CLRN1: variants seen among roughly 807,000 people sequenced by gnomAD.
CLRN1 encodes the protein clarin-1.
In CLRN1, 15 loss-of-function variants were observed where a neutral mutation model predicts 18.7. That is an observed-to-expected ratio of 0.80 (90% CI 0.54 to 1.23). The LOEUF (loss-of-function observed/expected upper bound fraction) is 1.23. CLRN1 is among the 50% of genes most tolerant of loss of function. CLRN1 has a pLI of 0.00. For missense variants in CLRN1, 311 were observed against 277.5 expected (o/e 1.12, Z -0.86); for synonymous variants, 104 against 102.9 (o/e 1.01, Z -0.07).
chr3:150,932,307 T>C (rs9855977), intron 2 of CLRN1, among the ~76,000 whole-genome samples: 89,071 of 151,968 alleles, frequency 0.59, 27,873 homozygotes, highest in East Asian at 0.7. Flanking sequence ...CCTGAATGAC[T>C]CTGAGGGCAC....
intron 1 of CLRN1, among the ~76,000 whole-genome samples, chr3:150,949,794 T>C (rs566459105): frequency 2.6e-5 from 4 of 152,100 alleles, no homozygotes; most frequent in Non-Finnish European, 5.9e-5. Context: ...ATTCTTCACA[T>C]AACTAGAAAA....
chr3:150,959,616 G>A (rs1354248862), intron 1 of CLRN1, among the ~76,000 whole-genome samples: 9 of 141,276 alleles, frequency 6.4e-5, no homozygotes, highest in African/African-American at 1.1e-4. Flanking sequence ...ACGACACAGC[G>A]AGACTTTGTC....
intron 2 of CLRN1, among the ~76,000 whole-genome samples, chr3:150,941,170 A>G (rs1417192133): frequency 9.7e-6 from 1 of 103,100 alleles, no homozygotes; most frequent in African/African-American, 3.1e-5. Context: ...CTATCTATCT[A>G]TCTCTTTCAT....
chr3:150,930,383 A>C (rs936573503), intron 2 of CLRN1, among the ~76,000 whole-genome samples: 1 of 152,146 alleles, frequency 6.6e-6, no homozygotes. Context: ...AGGTGAGCAG[A>C]AAAGACAACA....
intron 2 of CLRN1, among the ~76,000 whole-genome samples, chr3:150,929,804 G>A (rs1200865294): frequency 6.6e-6 from 1 of 152,156 alleles, no homozygotes; most frequent in African/African-American, 2.4e-5. Flanking sequence ...CCATATCAGG[G>A]ACACCTGACT....
chr3:150,954,504 T>C (rs58818044), intron 1 of CLRN1, among the ~76,000 whole-genome samples: 1 of 152,240 alleles, frequency 6.6e-6, no homozygotes, highest in Non-Finnish European at 1.5e-5. Context: ...TCTTTATGCA[T>C]GCTGGATACA....
intron 2 of CLRN1, among the ~76,000 whole-genome samples, chr3:150,936,508 C>A (rs1713498264): frequency 6.6e-6 from 1 of 152,126 alleles, no homozygotes; most frequent in South Asian, 2.1e-4. Flanking sequence ...ACCCAGAATG[C>A]CACCACTATT....
rs1380661508 is a variant in CLRN1 at position 150,972,519 on chromosome 3, C to T, written c.190G>A (p.Gly64Arg). 8 of 1,614,078 alleles carry T rather than the reference C, an allele frequency of 5.0e-6. No homozygotes were observed. Among genetic ancestry groups the T allele is most frequent in the African/African-American group, 1.3e-5 (1 of 74,920 alleles). ...LDKFMGEMQY[G>R]LFHGEGVRQC... ...CTCACACCCTCTCCGTGGAAAAGCC[C>T]GTACTGCATTTCACCCATAAACTTG... is the stretch of plus-strand genomic sequence containing the variant. Residue 64 changes from glycine to arginine, a missense_variant, in exon 1 of 3, where the codon GGG becomes AGG. Transcript: ENST00000327047.
chr3:150,942,026 A>T (rs752303270), intron 1 of CLRN1, among the ~76,000 whole-genome samples: 3 of 152,152 alleles, frequency 2.0e-5, no homozygotes, highest in Non-Finnish European at 4.4e-5. Context: ...TGATTTAAAC[A>T]AATAAGTTCT....
intron 1 of CLRN1, among the ~76,000 whole-genome samples, chr3:150,951,287 T>C (rs953785651): frequency 1.3e-5 from 2 of 152,204 alleles, no homozygotes; most frequent in Non-Finnish European, 2.9e-5. Flanking sequence ...TCTTCAGCTA[T>C]ATTAGTCCAT....
intron 1 of CLRN1, among the ~76,000 whole-genome samples, chr3:150,946,167 C>T (rs1019728840): frequency 1.3e-5 from 2 of 152,140 alleles, no homozygotes; most frequent in Non-Finnish European, 2.9e-5. Flanking sequence ...GTGCACCACT[C>T]TGCTATTTGG....
At chr3:150,950,788 A>G (rs1714444622) in intron 1 of CLRN1, among the ~76,000 whole-genome samples, 1 of 152,196 alleles carries the variant, frequency 6.6e-6, no homozygotes, top group South Asian at 2.1e-4. Flanking sequence ...TGACCCAGCA[A>G]TCCCATTACT....
chr3:150,946,197 T>A (rs1714157535), intron 1 of CLRN1, among the ~76,000 whole-genome samples: 1 of 152,188 alleles, frequency 6.6e-6, no homozygotes, highest in African/African-American at 2.4e-5. Context: ...CAAAAGGGAA[T>A]GTGAATAATA....
chr3:150,960,520 T>C (rs1030222886), intron 1 of CLRN1, among the ~76,000 whole-genome samples: 1 of 152,216 alleles, frequency 6.6e-6, no homozygotes, highest in Non-Finnish European at 1.5e-5. Context: ...GGATGACTAT[T>C]GCTATAACTA....
chr3:150,959,801 G>T (rs993163058), intron 1 of CLRN1, among the ~76,000 whole-genome samples: 1 of 152,066 alleles, frequency 6.6e-6, no homozygotes, highest in South Asian at 2.1e-4. Flanking sequence ...ACTTCTATCT[G>T]CTGGGGTTTT....
intron 1 of CLRN1, among the ~76,000 whole-genome samples, chr3:150,947,311 A>G (rs567265263): frequency 1.8e-4 from 27 of 152,326 alleles, no homozygotes; most frequent in African/African-American, 6.5e-4. Flanking sequence ...AAGACAAAGA[A>G]GGGCGTTACA....
Position 150,958,794 on chromosome 3 carries a change from T to G in CLRN1, c.253+13662A>C, listed in dbSNP as rs555798050. ...ATCCATCTATAGCTCGTGGTAGGATTTGCTCATCTTGACCTCTCTGAAGTT... is the reference window on the plus strand; with the variant it reads ...ATCCATCTATAGCTCGTGGTAGGATGTGCTCATCTTGACCTCTCTGAAGTT... On this transcript the variant is annotated intron_variant, in intron 1 of 2. Transcript: ENST00000327047. 2.0e-5 allele frequency among the ~76,000 whole-genome samples: 3 copies of G among 152,348 alleles called. No individual in the cohort carries two copies. In the South Asian group the frequency reaches 6.2e-4, roughly 32 times the overall value.
At chr3:150,954,737 CTA>C (rs1714655549) in intron 1 of CLRN1, among the ~76,000 whole-genome samples, 1 of 152,150 alleles carries the variant, frequency 6.6e-6, no homozygotes, top group African/African-American at 2.4e-5. Context: ...GTTTTTAGTT[CTA>C]GGTTTACATT....
At chr3:150,951,694 TGTAC>T (rs1390248530) in intron 1 of CLRN1, among the ~76,000 whole-genome samples, 1 of 152,178 alleles carries the variant, frequency 6.6e-6, no homozygotes, top group Admixed American at 6.5e-5. Flanking sequence ...TTCTCCAGGC[TGTAC>T]GTGGCAGCAT....
Sources: allele counts gnomAD v4.1 joint callset (sites outside exome capture counted in the v4.1 genomes callset), GRCh38; gene constraint gnomAD v4.1.1; transcripts MANE v1.5; gene names NCBI Gene and HGNC (gene_info 2026-07-23, HGNC 2026-07-21).